The following RBFOX1 variants were observed in gnomAD, a reference collection of about 807,000 sequenced individuals.
RBFOX1 encodes RNA binding protein fox-1 homolog 1.
A neutral mutation model predicts 57.7 loss-of-function variants in RBFOX1; 8 were observed. That is an observed-to-expected ratio of 0.14 (90% CI 0.08 to 0.25). The LOEUF (loss-of-function observed/expected upper bound fraction) is 0.25. RBFOX1 is among the 10% of genes least tolerant of loss of function. The pLI, the probability that RBFOX1 is intolerant of heterozygous loss-of-function variation, is 1.00. For synonymous variants in RBFOX1, 326 were observed against 222.4 expected (o/e 1.47, Z -4.15); for missense variants, 611 against 548.5 (o/e 1.11, Z -1.14).
intron 1 of RBFOX1, among the ~76,000 whole-genome samples, chr16:6,112,234 G>T (rs1054118136): frequency 6.6e-6 from 1 of 152,176 alleles, no homozygotes; most frequent in African/African-American, 2.4e-5. Context: ...AGGATGAAAT[G>T]CAGGTAGGAA....
At chr16:7,035,716 A>G (rs148891033) in intron 3 of RBFOX1, among the ~76,000 whole-genome samples, 9 of 152,326 alleles carry the variant, frequency 5.9e-5, no homozygotes, top group Non-Finnish European at 1.3e-4. Context: ...TTCCTTTTAA[A>G]TTGCTAGCAA....
chr16:5,282,840 C>G (rs767443912), intron 1 of RBFOX1, among the ~76,000 whole-genome samples: 1 of 152,326 alleles, frequency 6.6e-6, no homozygotes, highest in Admixed American at 6.5e-5. Context: ...AAGAAAAATT[C>G]GATCTGGCTG....
intron 3 of RBFOX1, among the ~76,000 whole-genome samples, chr16:6,663,812 G>A (rs1223451013): frequency 6.6e-6 from 1 of 152,216 alleles, no homozygotes; most frequent in African/African-American, 2.4e-5. Flanking sequence ...GGGAGATGGG[G>A]TGGAGAGCAT....
chr16:6,298,751 G>C (rs2078438610), intron 1 of RBFOX1, among the ~76,000 whole-genome samples: 1 of 152,148 alleles, frequency 6.6e-6, no homozygotes, highest in African/African-American at 2.4e-5. Flanking sequence ...CCAAAGGTTA[G>C]CTTTTGAAAT....
At position 7,045,303 on chromosome 16, in the gene RBFOX1, C is replaced by T. The variant is rs186346719; in HGVS notation, c.-15-6754C>T. Among the ~76,000 whole-genome samples, 556 of 152,176 alleles carry T rather than the reference C, an allele frequency of 3.7e-3. 3 individuals are homozygous for T. Among genetic ancestry groups the T allele is most frequent in the Non-Finnish European group, 6.0e-3 (407 of 68,006 alleles). On this transcript the variant is annotated intron_variant, in intron 3 of 15. Transcript: ENST00000550418. ...CCCAAAAAAAGAAGCAGGATATTGTCACTAGAATATAAGCAAAATAATATG... is the reference window on the plus strand; with the variant it reads ...CCCAAAAAAAGAAGCAGGATATTGTTACTAGAATATAAGCAAAATAATATG...
intron 1 of RBFOX1, among the ~76,000 whole-genome samples, chr16:6,307,731 A>C (rs1372671665): frequency 6.8e-6 from 1 of 147,146 alleles, no homozygotes; most frequent in Non-Finnish European, 1.5e-5. Flanking sequence ...CTATTTTGAT[A>C]ATTATTTCCA....
intron 4 of RBFOX1, among the ~76,000 whole-genome samples, chr16:7,454,150 T>A (rs1389060844): frequency 6.6e-6 from 1 of 152,188 alleles, no homozygotes; most frequent in African/African-American, 2.4e-5. Flanking sequence ...GGAGAATCGC[T>A]TGAACTCAGG....
At chr16:7,314,134 C>G (rs534021060) in intron 4 of RBFOX1, among the ~76,000 whole-genome samples, 7 of 152,032 alleles carry the variant, frequency 4.6e-5, no homozygotes, top group African/African-American at 1.7e-4. Flanking sequence ...GGGGAAAGAA[C>G]GAGGCTGTGA....
chr16:6,554,787 C>T (rs1217972675), intron 2 of RBFOX1, among the ~76,000 whole-genome samples: 4 of 145,678 alleles, frequency 2.7e-5, no homozygotes, highest in East Asian at 4.4e-4. Flanking sequence ...CACAGACACA[C>T]ACACAGACAC....
chr16:6,213,746 A>G (rs773213098), intron 1 of RBFOX1, among the ~76,000 whole-genome samples: 1 of 152,182 alleles, frequency 6.6e-6, no homozygotes, highest in African/African-American at 2.4e-5. Context: ...ATCCCTCTCC[A>G]TCCCTTTGTC....
chr16:6,173,256 C>T (rs559320855), intron 1 of RBFOX1, among the ~76,000 whole-genome samples: 1 of 152,074 alleles, frequency 6.6e-6, no homozygotes, highest in Non-Finnish European at 1.5e-5. Flanking sequence ...ACTATGACTG[C>T]CAACACCCAG....
At chr16:7,280,068 A>G (rs527646650) in intron 4 of RBFOX1, among the ~76,000 whole-genome samples, 44 of 152,318 alleles carry the variant, frequency 2.9e-4, no homozygotes, top group African/African-American at 8.7e-4. Context: ...TGTATTCAAA[A>G]CAGATTGTGC....
chr16:7,354,241 G>C (rs956822181), intron 4 of RBFOX1, among the ~76,000 whole-genome samples: 1 of 152,102 alleles, frequency 6.6e-6, no homozygotes, highest in Non-Finnish European at 1.5e-5. Flanking sequence ...ACACTGCTGC[G>C]ATTACAGGTG....
intron 3 of RBFOX1, among the ~76,000 whole-genome samples, chr16:5,765,333 T>A (rs9930253): frequency 0.25 from 38,334 of 152,076 alleles, 5,610 homozygotes; most frequent in East Asian, 0.55. Flanking sequence ...AATCAACCAA[T>A]TGTTTCCCAA....
chr16:5,924,912 A>G (rs771568975), intron 4 of RBFOX1, among the ~76,000 whole-genome samples: 7 of 152,182 alleles, frequency 4.6e-5, no homozygotes, highest in Non-Finnish European at 1.0e-4. Flanking sequence ...AGCTCAGTAA[A>G]GACTAGAGCT....
At chr16:6,727,549 AG>A (rs767788122) in intron 3 of RBFOX1, among the ~76,000 whole-genome samples, 4 of 152,042 alleles carry the variant, frequency 2.6e-5, no homozygotes, top group Admixed American at 6.6e-5. Context: ...ATGAGGGGAG[AG>A]GGAACCGTAC....
chr16:6,876,228 A>G (rs972506290), intron 3 of RBFOX1, among the ~76,000 whole-genome samples: 1 of 151,966 alleles, frequency 6.6e-6, no homozygotes, highest in Non-Finnish European at 1.5e-5. Flanking sequence ...CAGCAACACA[A>G]TCCATCTTAG....
intron 2 of RBFOX1, among the ~76,000 whole-genome samples, chr16:6,319,066 G>A (rs889583173): frequency 6.6e-6 from 1 of 152,152 alleles, no homozygotes; most frequent in East Asian, 1.9e-4. Context: ...ACATGCCTGG[G>A]TTTTGTGTGT....
At chr16:7,026,149 G>C (rs1422766865) in intron 3 of RBFOX1, among the ~76,000 whole-genome samples, 2 of 152,140 alleles carry the variant, frequency 1.3e-5, no homozygotes, top group East Asian at 3.9e-4. Flanking sequence ...GCCTCCCTCT[G>C]CGTGGGGTCT....
Sources: gnomAD v4.1 joint callset for allele counts (sites outside exome capture counted in the v4.1 genomes callset) on GRCh38, gnomAD v4.1.1 for gene constraint, MANE v1.5 for transcripts, NCBI Gene and HGNC (gene_info 2026-07-23, HGNC 2026-07-21) for gene names.